Variants in FERMT2 observed in about 807,000 individuals in gnomAD.
FERMT2 encodes FERM domain containing kindlin 2, also known as fermitin family homolog 2.
In FERMT2, 15 loss-of-function variants were observed where a neutral mutation model predicts 82.7. That is an observed-to-expected ratio of 0.18 (90% CI 0.12 to 0.28). The LOEUF (loss-of-function observed/expected upper bound fraction) is 0.28, where lower values mean the gene tolerates loss of function less well. FERMT2 is among the 10% of genes least tolerant of loss of function. The probability of loss-of-function intolerance (pLI) is 1.00; values close to 1 mark genes in which losing one functional copy is unlikely to be tolerated. For missense variants in FERMT2, 645 were observed against 809.4 expected, an observed-to-expected ratio of 0.80 and a Z score of 2.46; for synonymous variants, 274 against 271.5, an observed-to-expected ratio of 1.01 and a Z score of -0.09.
chr14:52,906,349 A>G (rs1888011900), intron 3 of FERMT2, among the ~76,000 whole-genome samples: 2 of 152,204 alleles, frequency 1.3e-5, no homozygotes, highest in African/African-American at 4.8e-5. Flanking sequence ...GAATCCCCAG[A>G]AGACTATGAC....
intron 2 of FERMT2, among the ~76,000 whole-genome samples, chr14:52,924,702 G>A (rs913693442): frequency 1.3e-5 from 2 of 152,076 alleles, no homozygotes; most frequent in African/African-American, 4.8e-5. Flanking sequence ...ACTTTTCCTG[G>A]ATATTTTACT....
At chr14:52,918,253 A>T (rs1888732999) in intron 3 of FERMT2, among the ~76,000 whole-genome samples, 1 of 152,214 alleles carries the variant, frequency 6.6e-6, no homozygotes, top group Non-Finnish European at 1.5e-5. Flanking sequence ...TACTAAGTTT[A>T]AAAAATACAT....
chr14:52,932,507 A>G (rs916434760), intron 2 of FERMT2, among the ~76,000 whole-genome samples: 2 of 152,252 alleles, frequency 1.3e-5, no homozygotes, highest in African/African-American at 4.8e-5. Flanking sequence ...GTTAGCAGCC[A>G]TATAACTACT....
intron 2 of FERMT2, among the ~76,000 whole-genome samples, chr14:52,920,614 G>C (rs1433419651): frequency 6.6e-6 from 1 of 151,854 alleles, no homozygotes; most frequent in African/African-American, 2.4e-5. Context: ...GCCTGGGCAA[G>C]GGAGCGAGAC....
At position 52,945,703 on chromosome 14, in the gene FERMT2, A is replaced by G. The variant is rs140059944; in HGVS notation, c.157+4709T>C. ...TACTCATAGAATCAGAGCTAGAGGA[A>G]ACTTAGAGATCACCTATTTTTTCCT... is the stretch of plus-strand genomic sequence containing the variant. On this transcript the variant is annotated intron_variant, in intron 2 of 14. Coordinates refer to ENST00000341590, the MANE Select transcript of FERMT2 (RefSeq NM_006832.3). Among the ~76,000 whole-genome samples, 231 of 152,280 alleles carry G rather than the reference A, an allele frequency of 1.5e-3. 1 individual carries two copies. Among genetic ancestry groups the G allele is most frequent in the African/African-American group, 4.9e-3 (205 of 41,566 alleles).
chr14:52,867,370 C>T (rs954849706), intron 10 of FERMT2, among the ~76,000 whole-genome samples: 1 of 152,288 alleles, frequency 6.6e-6, no homozygotes, highest in East Asian at 1.9e-4. Flanking sequence ...GCCTAACTAC[C>T]TTACTTTACT....
chr14:52,931,991 T>G (rs1239231164), intron 2 of FERMT2, among the ~76,000 whole-genome samples: 1 of 152,160 alleles, frequency 6.6e-6, no homozygotes, highest in Non-Finnish European at 1.5e-5. Flanking sequence ...ATCGTGCCAC[T>G]GCACTCCAGC....
intron 3 of FERMT2, among the ~76,000 whole-genome samples, chr14:52,901,045 A>T (rs1333699154): frequency 6.7e-6 from 1 of 149,198 alleles, no homozygotes; most frequent in East Asian, 2.0e-4. Flanking sequence ...CGGATCACGA[A>T]ATCAGGAGAT....
intron 4 of FERMT2, among the ~76,000 whole-genome samples, chr14:52,887,250 G>C (rs185097144): frequency 1.1e-3 from 161 of 151,566 alleles, no homozygotes; most frequent in African/African-American, 3.5e-3. Context: ...TGATTCTCCT[G>C]CCTCAGCCTC....
intron 2 of FERMT2, among the ~76,000 whole-genome samples, chr14:52,946,926 G>T (rs1169696004): frequency 6.6e-6 from 1 of 152,084 alleles, no homozygotes; most frequent in Non-Finnish European, 1.5e-5. Flanking sequence ...ACCTGCCTCA[G>T]CCTCCCTGCC....
chr14:52,873,335 A>T (rs1885745890), intron 9 of FERMT2, among the ~76,000 whole-genome samples: 1 of 152,208 alleles, frequency 6.6e-6, no homozygotes, highest in Non-Finnish European at 1.5e-5. Context: ...GCCTCTATAA[A>T]GATGCAAATT....
At chr14:52,923,557 C>T (rs960723628) in intron 2 of FERMT2, among the ~76,000 whole-genome samples, 4 of 152,028 alleles carry the variant, frequency 2.6e-5, no homozygotes, top group African/African-American at 9.7e-5. Context: ...CCCTGATACT[C>T]ATCCTTCCCT....
intron 2 of FERMT2, among the ~76,000 whole-genome samples, chr14:52,942,083 A>G (rs1312338419): frequency 6.6e-6 from 1 of 152,140 alleles, no homozygotes; most frequent in Non-Finnish European, 1.5e-5. Flanking sequence ...CCCCACCAGT[A>G]AAGCTGGAAC....
chr14:52,901,097 T>TA (rs1238062008), intron 3 of FERMT2, among the ~76,000 whole-genome samples: 1 of 34,330 alleles, frequency 2.9e-5, no homozygotes, highest in Admixed American at 4.6e-4. Context: ...CGGTCTCTAC[T>TA]AAAAATACAA....
intron 13 of FERMT2, 167 bp from the exon 14 acceptor site, chr14:52,859,881 G>C (rs537476932): frequency 5.2e-6 from 2 of 383,838 alleles, no homozygotes; most frequent in East Asian, 8.5e-5. Context: ...GCAGTGGCGC[G>C]ATCTCAGCTC....
At chr14:52,873,846 G>A (rs1424934356) in intron 9 of FERMT2, 10 of 201,590 alleles carry the variant, frequency 5.0e-5, no homozygotes, top group Non-Finnish European at 9.9e-5. Context: ...CGCTGGCAGT[G>A]ACACAGTTCA....
intron 10 of FERMT2, among the ~76,000 whole-genome samples, chr14:52,865,428 TAA>T (rs1183213122): frequency 6.6e-6 from 1 of 152,214 alleles, no homozygotes. Flanking sequence ...AACAGTATAA[TAA>T]ATACAGTGAA....
chr14:52,914,990 T>A (rs927430304), intron 3 of FERMT2, among the ~76,000 whole-genome samples: 9 of 151,836 alleles, frequency 5.9e-5, no homozygotes, highest in South Asian at 2.1e-4. Flanking sequence ...CAATAAATTA[T>A]CAGAATTTAT....
intron 2 of FERMT2, among the ~76,000 whole-genome samples, chr14:52,930,118 G>A (rs1448856220): frequency 1.3e-5 from 2 of 152,032 alleles, no homozygotes; most frequent in Non-Finnish European, 2.9e-5. Flanking sequence ...TATGTCTGAA[G>A]AATCCATTTT....
Sources: gnomAD v4.1 joint callset for allele counts (sites outside exome capture counted in the v4.1 genomes callset) on GRCh38, gnomAD v4.1.1 for gene constraint, MANE v1.5 for transcripts, NCBI Gene and HGNC (gene_info 2026-07-23, HGNC 2026-07-21) for gene names.